CHD9: variants seen among roughly 807,000 people sequenced by gnomAD.
CHD9 encodes the protein chromodomain helicase DNA binding protein 9.
A neutral mutation model predicts 316.1 loss-of-function variants in CHD9; 77 were observed. The observed-to-expected ratio is 0.24, with a 90% CI of 0.20 to 0.29. CHD9 has a LOEUF of 0.29. Ranked by LOEUF, CHD9 falls within the 10% of genes least tolerant of loss-of-function variation. CHD9 has a pLI of 1.00. For missense variants in CHD9, 2,763 were observed against 3,438.1 expected (o/e 0.80, Z 4.91); for synonymous variants, 1,129 against 1,158.3 (o/e 0.97, Z 0.51).
At chr16:53,131,323 CGCCGCCGCCGCT>C (rs1296454867) in intron 1 of CHD9, 4 of 152,648 alleles carry the variant, frequency 2.6e-5, no homozygotes, top group Non-Finnish European at 4.1e-5. Flanking sequence ...CCGCCGCCGC[CGCCGCCGCCGCT>C]GCTCGGCCGG....
At chr16:53,188,601 C>A (rs1468151536) in intron 2 of CHD9, among the ~76,000 whole-genome samples, 1 of 96,158 alleles carries the variant, frequency 1.0e-5, no homozygotes, top group Non-Finnish European at 2.2e-5. Flanking sequence ...CTGGTCATTA[C>A]CTTTTTTTTT....
chr16:53,270,318 A>T (rs1053642590), intron 22 of CHD9, among the ~76,000 whole-genome samples: 1 of 151,912 alleles, frequency 6.6e-6, no homozygotes, highest in Non-Finnish European at 1.5e-5. Flanking sequence ...CCCAGAGGAA[A>T]TGTTTTATTA....
chr16:53,153,107 A>C (rs1315363619), intron 1 of CHD9, among the ~76,000 whole-genome samples: 1 of 152,202 alleles, frequency 6.6e-6, no homozygotes, highest in Non-Finnish European at 1.5e-5. Flanking sequence ...GTATTTCGTT[A>C]TGTGAAGGTC....
chr16:53,227,365 T>C, intron 5 of CHD9, 31 bp from the exon 6 acceptor site: 1 of 1,429,384 alleles, frequency 7.0e-7, no homozygotes, highest in Non-Finnish European at 9.6e-7. Context: ...CAGAATGTGT[T>C]CTGTCATTAT....
chr16:53,289,771 C>G (rs1256588584), intron 27 of CHD9, among the ~76,000 whole-genome samples: 1 of 152,166 alleles, frequency 6.6e-6, no homozygotes, highest in Non-Finnish European at 1.5e-5. Context: ...GTGCCAAGAT[C>G]CAGACTTTGG....
chr16:53,103,979 C>T (rs543406955), intron 1 of CHD9, among the ~76,000 whole-genome samples: 4 of 152,156 alleles, frequency 2.6e-5, no homozygotes, highest in Non-Finnish European at 4.4e-5. Flanking sequence ...CTTCCCTTCT[C>T]GCCAAAGCAT....
At chr16:53,243,867 A>C (rs2049320338) in intron 13 of CHD9, among the ~76,000 whole-genome samples, 1 of 152,204 alleles carries the variant, frequency 6.6e-6, no homozygotes. Context: ...TTACATGAGC[A>C]CTTGAACAAA....
At chr16:53,319,814 C>A in intron 37 of CHD9, 1 of 1,265,572 alleles carries the variant, frequency 7.9e-7, no homozygotes, top group Non-Finnish European at 1.0e-6. Context: ...CGGGTACAGG[C>A]TTAAGGATTG....
chr16:53,303,982 C>A lies in CHD9; in HGVS notation c.5976C>A (p.Leu1992=). Residue 1992 remains leucine (L), a synonymous_variant, in exon 31 of 39, where the codon CTC becomes CTA. Coordinates refer to ENST00000447540, the MANE Select transcript of CHD9 (RefSeq NM_001308319.2). The part of the protein sequence containing the change: ...TDYHILRDPE[L]SFMAAQRNYS... ...ATCACATTCTTCGTGATCCTGAACT[C>A]TCATTTATGGCAGCTCAGAGGAACT... The A allele has an allele frequency of 6.2e-7, 1 of 1,613,996 alleles. No individual in the cohort carries two copies. Among genetic ancestry groups the A allele is most frequent in the South Asian group, 1.1e-5 (1 of 91,082 alleles).
intron 2 of CHD9, among the ~76,000 whole-genome samples, chr16:53,163,481 A>G (rs956282421): frequency 2.0e-5 from 3 of 152,186 alleles, no homozygotes; most frequent in African/African-American, 7.2e-5. Flanking sequence ...AAGTGCTGGG[A>G]TTACAGGCGT....
intron 1 of CHD9, among the ~76,000 whole-genome samples, chr16:53,094,705 T>C (rs59808556): frequency 0.019 from 2,934 of 150,820 alleles, 95 homozygotes; most frequent in African/African-American, 0.068. Flanking sequence ...AATGGTGTGA[T>C]CTTGGCTCAC....
chr16:53,138,074 A>C (rs1233761473), intron 1 of CHD9, among the ~76,000 whole-genome samples: 1 of 152,152 alleles, frequency 6.6e-6, no homozygotes, highest in Admixed American at 6.5e-5. Flanking sequence ...TTTTGAGATT[A>C]ATAGAAATTT....
chr16:53,291,834 A>G, intron 28 of CHD9, 67 bp downstream of exon 28: 1 of 958,350 alleles, frequency 1.0e-6, no homozygotes, highest in Non-Finnish European at 1.5e-6. Context: ...CCATGAGATC[A>G]GTAAACTATT....
intron 1 of CHD9, among the ~76,000 whole-genome samples, chr16:53,140,416 C>CAAAAA (rs544725340): frequency 1.0e-4 from 10 of 99,334 alleles, no homozygotes; most frequent in African/African-American, 1.4e-4. Context: ...AACTCTGTCT[C>CAAAAA]AAAAAAAAAA....
intron 1 of CHD9, chr16:53,130,780 C>T (rs1012621430): frequency 8.6e-5 from 13 of 151,830 alleles, no homozygotes; most frequent in Non-Finnish European, 1.6e-4. Context: ...GGGGACGCTC[C>T]CTCTTAGGCA....
At chr16:53,214,435 G>A (rs937957504) in intron 3 of CHD9, among the ~76,000 whole-genome samples, 7 of 152,232 alleles carry the variant, frequency 4.6e-5, no homozygotes, top group South Asian at 4.1e-4. Context: ...GTTTATTGGT[G>A]TATGATAAAC....
chr16:53,143,898 A>C (rs1192598800), intron 1 of CHD9, among the ~76,000 whole-genome samples: 2 of 152,208 alleles, frequency 1.3e-5, no homozygotes, highest in African/African-American at 2.4e-5. Flanking sequence ...GCCCACAGTT[A>C]ATGTAATGAC....
intron 1 of CHD9, among the ~76,000 whole-genome samples, chr16:53,106,756 T>A (rs925009264): frequency 6.6e-6 from 1 of 152,088 alleles, no homozygotes; most frequent in Non-Finnish European, 1.5e-5. Context: ...CCTACATCTA[T>A]TCTAGATTTT....
intron 1 of CHD9, among the ~76,000 whole-genome samples, chr16:53,070,733 T>C (rs2033974486): frequency 6.6e-6 from 1 of 152,140 alleles, no homozygotes. Context: ...TTTGTAGTTT[T>C]AGTAGAAACA....
Sources: allele counts gnomAD v4.1 joint callset (sites outside exome capture counted in the v4.1 genomes callset), GRCh38; gene constraint gnomAD v4.1.1; transcripts MANE v1.5; gene names NCBI Gene and HGNC (gene_info 2026-07-23, HGNC 2026-07-21).